The following PSMD14 variants were observed in gnomAD, a reference collection of about 807,000 sequenced individuals.
PSMD14 encodes ubiquitin C-terminal hydrolase PSMD14.
In PSMD14, 7 loss-of-function variants were observed where a neutral mutation model predicts 41.2. The ratio of observed to expected loss-of-function variants is 0.17; its 90% confidence interval spans 0.10 to 0.32. The LOEUF (loss-of-function observed/expected upper bound fraction) is 0.32. Among genes scored for constraint, PSMD14 ranks in the 10% least tolerant of loss-of-function variants. The probability of loss-of-function intolerance (pLI) is 1.00; values close to 1 mark genes in which losing one functional copy is unlikely to be tolerated. For synonymous variants in PSMD14, 114 were observed against 122.3 expected (o/e 0.93, Z 0.45); for missense variants, 139 against 375.6 (o/e 0.37, Z 5.21).
At chr2:161,396,882 C>T (rs749504533) in intron 10 of PSMD14, among the ~76,000 whole-genome samples, 1 of 152,106 alleles carries the variant, frequency 6.6e-6, no homozygotes, top group African/African-American at 2.4e-5. Context: ...GACTCAAGTG[C>T]AGTGGGGTGA....
At chr2:161,390,160 T>A (rs1261055382) in intron 8 of PSMD14, among the ~76,000 whole-genome samples, 3 of 152,014 alleles carry the variant, frequency 2.0e-5, no homozygotes, top group African/African-American at 7.2e-5. Flanking sequence ...TACCCCTTCT[T>A]CCTCTACCTC....
intron 3 of PSMD14, among the ~76,000 whole-genome samples, chr2:161,356,061 AT>A (rs955390311): frequency 1.6e-4 from 24 of 151,210 alleles, no homozygotes; most frequent in African/African-American, 4.9e-4. Flanking sequence ...TTTTTGGAAC[AT>A]TTTTTTTTAA....
At chr2:161,405,203 A>G (rs749905617) in intron 10 of PSMD14, among the ~76,000 whole-genome samples, 66 of 151,996 alleles carry the variant, frequency 4.3e-4, no homozygotes, top group Non-Finnish European at 5.7e-4. Flanking sequence ...CCATTCTCCC[A>G]TGGTTTTTCC....
At chr2:161,310,003 A>T (rs1443200597) in intron 1 of PSMD14, among the ~76,000 whole-genome samples, 6 of 152,114 alleles carry the variant, frequency 3.9e-5, no homozygotes, top group Non-Finnish European at 8.8e-5. Flanking sequence ...TACTAAAAGT[A>T]TAAAAAAATC....
chr2:161,340,946 T>A lies in PSMD14; in HGVS notation c.48+22073T>A. 2.5e-6 allele frequency: 4 copies of A among 1,613,426 alleles called. No individual in the cohort carries two copies. The Admixed American group carries it at 6.7e-5, about 27-fold the overall frequency. On this transcript the variant is annotated intron_variant, in intron 3 of 11. Transcript: ENST00000409682. Reference sequence around the variant, plus strand: ...CGTCCTCCTCCTCAGGCCCTTCCGATGATGGCCCCTTCTCACCATCCAAGT... The same window carrying A: ...CGTCCTCCTCCTCAGGCCCTTCCGAAGATGGCCCCTTCTCACCATCCAAGT...
intron 6 of PSMD14, among the ~76,000 whole-genome samples, chr2:161,370,625 T>C (rs892131782): frequency 1.3e-5 from 2 of 152,138 alleles, no homozygotes; most frequent in Non-Finnish European, 2.9e-5. Context: ...CTCTCAATAG[T>C]TGTCATTCTC....
At chr2:161,410,850 A>C (rs1684013899) in intron 11 of PSMD14, among the ~76,000 whole-genome samples, 1 of 152,076 alleles carries the variant, frequency 6.6e-6, no homozygotes, top group African/African-American at 2.4e-5. Context: ...TATAAAACAT[A>C]GAAGAAGTGC....
chr2:161,357,931 G>C (rs1254351233), intron 3 of PSMD14, among the ~76,000 whole-genome samples: 1 of 150,264 alleles, frequency 6.7e-6, no homozygotes, highest in Admixed American at 6.6e-5. Context: ...TGGTGAAACA[G>C]TTGTTATAAG....
intron 3 of PSMD14, among the ~76,000 whole-genome samples, chr2:161,357,063 T>C (rs1683217132): frequency 7.1e-6 from 1 of 140,522 alleles, no homozygotes; most frequent in African/African-American, 2.6e-5. Context: ...TATGCTGTTA[T>C]AATGGCAAAT....
intron 8 of PSMD14, among the ~76,000 whole-genome samples, chr2:161,389,195 G>A (rs1050649748): frequency 2.6e-5 from 4 of 152,092 alleles, no homozygotes; most frequent in African/African-American, 4.8e-5. Flanking sequence ...CCATTAACTG[G>A]CTTCTGTATG....
At chr2:161,333,216 A>T (rs550060565) in intron 3 of PSMD14, among the ~76,000 whole-genome samples, 130 of 152,308 alleles carry the variant, frequency 8.5e-4, no homozygotes, top group South Asian at 3.3e-3. Context: ...GCTCATCCTT[A>T]TATTTTATAG....
At chr2:161,323,577 C>T (rs1290980157) in intron 3 of PSMD14, among the ~76,000 whole-genome samples, 2 of 152,010 alleles carry the variant, frequency 1.3e-5, no homozygotes, top group African/African-American at 4.8e-5. Flanking sequence ...GCAGGAGAAT[C>T]ACTTGAACCC....
intron 3 of PSMD14, among the ~76,000 whole-genome samples, chr2:161,351,105 T>C (rs1288655961): frequency 2.0e-5 from 3 of 152,222 alleles, no homozygotes; most frequent in African/African-American, 7.2e-5. Context: ...GAGGCCTCAG[T>C]CATTTTCAGT....
chr2:161,403,868 T>C (rs902035196), intron 10 of PSMD14, among the ~76,000 whole-genome samples: 1 of 152,072 alleles, frequency 6.6e-6, no homozygotes, highest in African/African-American at 2.4e-5. Context: ...ACTCCTTCTT[T>C]ATATGCCAGT....
At chr2:161,374,055 A>T (rs1559049818) in intron 7 of PSMD14, among the ~76,000 whole-genome samples, 1 of 151,938 alleles carries the variant, frequency 6.6e-6, no homozygotes, top group Non-Finnish European at 1.5e-5. Context: ...AGCAGAACAA[A>T]GATATGAATC....
chr2:161,340,358 A>G (rs1406104881), intron 3 of PSMD14, among the ~76,000 whole-genome samples: 1 of 152,176 alleles, frequency 6.6e-6, no homozygotes, highest in Non-Finnish European at 1.5e-5. Context: ...TGGTGAGCAC[A>G]GGTGAGCTCT....
At chr2:161,350,604 TTAATC>T (rs1478583071) in intron 3 of PSMD14, among the ~76,000 whole-genome samples, 3 of 152,212 alleles carry the variant, frequency 2.0e-5, no homozygotes, top group Non-Finnish European at 4.4e-5. Context: ...TGTGTCTTGA[TTAATC>T]AAAGTAGCAG....
At chr2:161,368,018 A>G (rs1683382415) in intron 5 of PSMD14, 115 bp downstream of exon 5, 2 of 1,240,696 alleles carry the variant, frequency 1.6e-6, no homozygotes, top group Non-Finnish European at 1.1e-6. Context: ...GGAAAAATTA[A>G]TCATAAGTTT....
intron 7 of PSMD14, chr2:161,383,065 C>T (rs765003705): frequency 6.6e-6 from 1 of 150,540 alleles, no homozygotes; most frequent in East Asian, 1.9e-4. Context: ...TTTAATCTTA[C>T]GGTGGCATAA....
Sources: allele counts gnomAD v4.1 joint callset (sites outside exome capture counted in the v4.1 genomes callset), GRCh38; gene constraint gnomAD v4.1.1; transcripts MANE v1.5; gene names NCBI Gene and HGNC (gene_info 2026-07-23, HGNC 2026-07-21).